FRMD4B: variants seen among roughly 807,000 people sequenced by gnomAD.
FRMD4B encodes FERM domain containing 4B, also known as FERM domain-containing protein 4B.
A neutral mutation model predicts 141.5 loss-of-function variants in FRMD4B; 74 were observed. That is an observed-to-expected ratio of 0.52 (90% CI 0.43 to 0.63). FRMD4B has a LOEUF of 0.63. Among genes scored for constraint, FRMD4B ranks in the 30% least tolerant of loss-of-function variants. FRMD4B has a pLI of 0.00. For synonymous variants in FRMD4B, 506 were observed against 467.9 expected (o/e 1.08, Z -1.05); for missense variants, 1,366 against 1,253.4 (o/e 1.09, Z -1.36).
At chr3:69,190,842 G>C (rs552999783) in intron 17 of FRMD4B, among the ~76,000 whole-genome samples, 1 of 152,284 alleles carries the variant, frequency 6.6e-6, no homozygotes, top group East Asian at 1.9e-4. Context: ...ACTGAATTAG[G>C]TTTAAGTCTT....
At position 69,377,977 on chromosome 3, in the gene FRMD4B, A is replaced by ATTT. The variant is rs35582091; in HGVS notation, c.162+7848_162+7850dup. 1.0e-3 allele frequency among the ~76,000 whole-genome samples: 140 copies of ATTT among 139,872 alleles called. 1 individual carries two copies. The highest frequency in any genetic ancestry group is 3.5e-3 in the African/African-American group (131 of 37,658). The allele number at this position is 139,872 out of a possible 152,430, so 91.8% of individuals were successfully genotyped here. A position where few individuals can be genotyped will look rare whatever the true frequency, so the allele number is the denominator to read the frequency against. On this transcript the variant is annotated intron_variant, in intron 1 of 22. Coordinates refer to ENST00000398540, the MANE Select transcript of FRMD4B (RefSeq NM_015123.3). ...AGGTGTGTGCCACCACACTTGGCTA[A>ATTT]TTTTTTTTTTTTTTTGTATTTTTAG...
At chr3:69,419,124 T>C (rs1160589910) in intron 2 of FRMD4B, among the ~76,000 whole-genome samples, 1 of 152,126 alleles carries the variant, frequency 6.6e-6, no homozygotes, top group Non-Finnish European at 1.5e-5. Flanking sequence ...CTAGGAAATA[T>C]ATGGGAAATA....
chr3:69,264,427 TTC>T (rs66553866), intron 5 of FRMD4B, among the ~76,000 whole-genome samples: 26,972 of 152,022 alleles, frequency 0.18, 2,823 homozygotes, highest in East Asian at 0.37. Flanking sequence ...ATTTATATCT[TTC>T]TTTTTAAAAA....
At chr3:69,360,945 T>C (rs1375911816) in intron 1 of FRMD4B, among the ~76,000 whole-genome samples, 1 of 152,184 alleles carries the variant, frequency 6.6e-6, no homozygotes, top group Non-Finnish European at 1.5e-5. Context: ...AATATTTCTA[T>C]AATGAGAGAT....
Position 69,195,240 on chromosome 3 carries a change from C to T in FRMD4B, c.1359G>A (p.Leu453=), listed in dbSNP as rs772795387. 6.2e-7 allele frequency: 1 copy of T among 1,613,200 alleles called. No homozygotes were observed. The highest frequency in any genetic ancestry group is 1.1e-5 in the South Asian group (1 of 90,942). ...KKVEELKKIC[L]REAELTGKMP... Reference sequence around the variant, plus strand: ...CAAAAAGCAGACTCACAGCCTCCCGCAGACAGATCTTCTTAAGCTCCTCAA... The same window carrying T: ...CAAAAAGCAGACTCACAGCCTCCCGTAGACAGATCTTCTTAAGCTCCTCAA... The change falls in exon 15 of 23, where the codon CTG becomes CTA. Residue 453 remains leucine (L), a synonymous_variant. Transcript: ENST00000398540.
chr3:69,439,370 A>G (rs1037015300), intron 1 of FRMD4B, among the ~76,000 whole-genome samples: 3 of 152,196 alleles, frequency 2.0e-5, no homozygotes, highest in Non-Finnish European at 4.4e-5. Flanking sequence ...TGTTTGGGGC[A>G]CAACCTACAT....
chr3:69,220,662 G>A (rs2093185105), intron 9 of FRMD4B, among the ~76,000 whole-genome samples: 1 of 152,142 alleles, frequency 6.6e-6, no homozygotes, highest in South Asian at 2.1e-4. Context: ...GATCAGCCAG[G>A]CCAACATGGG....
intron 7 of FRMD4B, among the ~76,000 whole-genome samples, chr3:69,237,269 G>A (rs2093351434): frequency 6.6e-6 from 1 of 152,204 alleles, no homozygotes; most frequent in African/African-American, 2.4e-5. Flanking sequence ...GCCAGCCCTT[G>A]CTCTCCTCCC....
At chr3:69,504,457 G>A (rs559430322) in intron 1 of FRMD4B, among the ~76,000 whole-genome samples, 85 of 152,170 alleles carry the variant, frequency 5.6e-4, no homozygotes, top group Non-Finnish European at 9.7e-4. Flanking sequence ...AACCTACACC[G>A]AGTGTAGTCA....
chr3:69,319,019 C>A (rs1218976564), intron 1 of FRMD4B, among the ~76,000 whole-genome samples: 1 of 152,144 alleles, frequency 6.6e-6, no homozygotes, highest in African/African-American at 2.4e-5. Flanking sequence ...CGAAGAGACA[C>A]AACCAAAACA....
upstream of FRMD4B, among the ~76,000 whole-genome samples, chr3:69,390,404 T>A (rs1304070161): frequency 6.6e-6 from 1 of 152,208 alleles, no homozygotes; most frequent in African/African-American, 2.4e-5. Context: ...TATACCTCCC[T>A]CCCATGCTGA....
At chr3:69,479,687 G>A (rs1706080851) in intron 1 of FRMD4B, among the ~76,000 whole-genome samples, 3 of 152,060 alleles carry the variant, frequency 2.0e-5, no homozygotes, top group Admixed American at 2.0e-4. Flanking sequence ...TATGTGTCTT[G>A]GAGTTGCTCT....
intron 3 of FRMD4B, among the ~76,000 whole-genome samples, chr3:69,309,519 G>A (rs966238959): frequency 2.0e-5 from 3 of 149,428 alleles, no homozygotes; most frequent in African/African-American, 4.9e-5. Context: ...CATAGCTCAC[G>A]GCAGCCTCAA....
intron 1 of FRMD4B, among the ~76,000 whole-genome samples, chr3:69,329,589 G>A (rs1328147946): frequency 7.6e-6 from 1 of 130,794 alleles, no homozygotes; most frequent in Non-Finnish European, 1.6e-5. Flanking sequence ...GTGCAATGGT[G>A]TGATCTTGGC....
In FRMD4B at chr3:69,350,574, C is replaced by A. The variant is rs528907257; in HGVS notation, c.162+35254G>T. Among the ~76,000 whole-genome samples the A allele has an allele frequency of 3.3e-5, 5 of 152,178 alleles. No homozygotes were observed. The East Asian group carries it at 7.7e-4, about 23-fold the overall frequency. On this transcript the variant is annotated intron_variant, in intron 1 of 22. Coordinates refer to ENST00000398540, the MANE Select transcript of FRMD4B (RefSeq NM_015123.3). The stretch of plus-strand genomic sequence containing the variant: ...CAATAGCAAAGACTTGGAACCAATC[C>A]AAATGTCCAACAGTGATAGACTGGA...
intron 1 of FRMD4B, among the ~76,000 whole-genome samples, chr3:69,466,998 G>A (rs945279954): frequency 7.2e-5 from 11 of 152,090 alleles, no homozygotes; most frequent in African/African-American, 1.9e-4. Context: ...CACTGTGCCC[G>A]GCTAGAAGTC....
chr3:69,491,328 G>C (rs1212386454), intron 1 of FRMD4B, among the ~76,000 whole-genome samples: 1 of 152,024 alleles, frequency 6.6e-6, no homozygotes, highest in Non-Finnish European at 1.5e-5. Flanking sequence ...GAACTGCAAA[G>C]CATCTAGCCC....
intron 2 of FRMD4B, among the ~76,000 whole-genome samples, chr3:69,420,292 A>AAG (rs1184146551): frequency 6.7e-6 from 1 of 150,036 alleles, no homozygotes; most frequent in East Asian, 1.9e-4. Context: ...AGGGATATCA[A>AAG]AAAAAAAAAA....
chr3:69,508,396 C>T (rs1706633688), intron 1 of FRMD4B, among the ~76,000 whole-genome samples: 1 of 152,154 alleles, frequency 6.6e-6, no homozygotes, highest in South Asian at 2.1e-4. Flanking sequence ...AATCGCATAA[C>T]AGGCTGGGAA....
Sources: allele counts gnomAD v4.1 joint callset (sites outside exome capture counted in the v4.1 genomes callset), GRCh38; gene constraint gnomAD v4.1.1; transcripts MANE v1.5; gene names NCBI Gene and HGNC (gene_info 2026-07-23, HGNC 2026-07-21).